AGPAT4: variants seen among roughly 807,000 people sequenced by gnomAD.
AGPAT4 encodes the protein 1-acylglycerol-3-phosphate O-acyltransferase 4.
Under a neutral mutation model 48.0 loss-of-function variants are expected in AGPAT4, and 15 were observed. The observed-to-expected ratio is 0.31, with a 90% CI of 0.21 to 0.48. The LOEUF (loss-of-function observed/expected upper bound fraction) is 0.48, where lower values mean the gene tolerates loss of function less well. Ranked by LOEUF, AGPAT4 falls within the 20% of genes least tolerant of loss-of-function variation. The pLI, the probability that AGPAT4 is intolerant of heterozygous loss-of-function variation, is 0.99. For missense variants in AGPAT4, 314 were observed against 482.5 expected, an observed-to-expected ratio of 0.65 and a Z score of 3.27; for synonymous variants, 178 against 198.7, an observed-to-expected ratio of 0.90 and a Z score of 0.88.
At position 161,204,577 on chromosome 6, in the gene AGPAT4, G is replaced by C. The variant is rs148746382; in HGVS notation, c.178+27459C>G. ...CAGCACTGGATTCTTATTATCTCAT[G>C]ATGAAGTTTAACTCTCCCAAATTTT... On this transcript the variant is annotated intron_variant, in intron 2 of 8. Transcript: ENST00000320285. This position sits in a 1 kb window ranked among gnomAD's most constrained non-coding sequence, Gnocchi z 4.4. Among the ~76,000 whole-genome samples, 2 of 152,146 alleles carry C rather than the reference G, an allele frequency of 1.3e-5. No individual in the cohort carries two copies. The highest frequency in any genetic ancestry group is 3.9e-4 in the East Asian group (2 of 5,182).
In AGPAT4 at chr6:161,139,467, C is replaced by G. The variant is rs748012441; in HGVS notation, c.997G>C (p.Gly333Arg). Residue 333 changes from glycine to arginine, a missense_variant, in exon 8 of 9, where the codon GGG (glycine) becomes CGG (arginine). Gly to Arg is a moderately radical substitution (Grantham distance 125). Coordinates refer to ENST00000320285, the MANE Select transcript of AGPAT4 (RefSeq NM_020133.3). The surrounding 1 kb of genome is among the most constrained non-coding windows in gnomAD (Gnocchi z 9.1). ...AAGCTGGCCAGCGTCAGGGAAGACC[C>G]GCTCCTGATCATGCTGACCAGGAAC... Reference protein sequence around the residue: ...FQFLVSMIRSGSSLTLASFIL... With the variant: ...FQFLVSMIRSRSSLTLASFIL... 6.2e-7 allele frequency: 1 copy of G among 1,614,080 alleles called. No homozygotes were observed. Among genetic ancestry groups the G allele is most frequent in the South Asian group, 1.1e-5 (1 of 91,072 alleles).
chr6:161,165,523 T>C lies in AGPAT4; in HGVS notation c.348+725A>G. On this transcript the variant is annotated intron_variant, in intron 3 of 8. Transcript: ENST00000320285. This position sits in a 1 kb window ranked among gnomAD's most constrained non-coding sequence, Gnocchi z 5.5. ...AGTTCTGGTGCAAACTCTTAGGACC[T>C]TTCCTAGCCCCAGACCAATGTACAC... The C allele has an allele frequency of 3.4e-6, 4 of 1,161,174 alleles. No homozygotes were observed. In the South Asian group the frequency reaches 6.1e-5, roughly 18 times the overall value. The allele number at this position is 1,161,174 out of a possible 1,614,324, so 71.9% of individuals were successfully genotyped here.
In AGPAT4 at chr6:161,214,139, G is replaced by A. The variant is rs569002625; in HGVS notation, c.178+17897C>T. On this transcript the variant is annotated intron_variant, in intron 2 of 8. Coordinates refer to ENST00000320285, the MANE Select transcript of AGPAT4 (RefSeq NM_020133.3). The surrounding 1 kb of genome is among the most constrained non-coding windows in gnomAD (Gnocchi z 5.4). Reference sequence around the variant, plus strand: ...GCTACCATTTGTCTCTCACCTACCTGTGACCTGGAAGCCCCTCTCCTTCGA... The same window carrying A: ...GCTACCATTTGTCTCTCACCTACCTATGACCTGGAAGCCCCTCTCCTTCGA... Among the ~76,000 whole-genome samples the A allele has an allele frequency of 1.5e-4, 23 of 152,304 alleles. No homozygotes were observed. The South Asian group carries it at 4.6e-3, about 30-fold the overall frequency.
At chr6:161,173,054 T>C (rs146600477) in intron 2 of AGPAT4, among the ~76,000 whole-genome samples, 7,838 of 152,282 alleles carry the variant, frequency 0.051, 313 homozygotes, top group Non-Finnish European at 0.07. Context: ...TGATGGACAT[T>C]TGGGTTGGTT....
At chr6:161,248,501 G>C (rs750346802) in intron 1 of AGPAT4, among the ~76,000 whole-genome samples, 3 of 150,518 alleles carry the variant, frequency 2.0e-5, no homozygotes, top group Non-Finnish European at 4.4e-5. Context: ...GTGAACCTGG[G>C]AGGTGGAGCT....
Position 161,270,824 on chromosome 6 carries a change from C to G in AGPAT4, c.-90+3114G>C, listed in dbSNP as rs551720864. The stretch of plus-strand genomic sequence containing the variant: ...GAATGCGGCTTTGTCCCATAACCAT[C>G]AGACCTCCTTTCCAGAATAAAGGAG... On this transcript the variant is annotated intron_variant, in intron 1 of 8. Transcript: ENST00000320285. This position sits in a 1 kb window ranked among gnomAD's most constrained non-coding sequence, Gnocchi z 5.3. 6.6e-6 allele frequency among the ~76,000 whole-genome samples: 1 copy of G among 152,226 alleles called. No homozygotes were observed. The highest frequency in any genetic ancestry group is 2.1e-4 in the South Asian group (1 of 4,822).
intron 1 of AGPAT4, among the ~76,000 whole-genome samples, chr6:161,273,569 A>G (rs571309196): frequency 6.6e-6 from 1 of 152,160 alleles, no homozygotes; most frequent in African/African-American, 2.4e-5. Flanking sequence ...CATTCCCCCC[A>G]CCACCACCCC....
intron 2 of AGPAT4, among the ~76,000 whole-genome samples, chr6:161,228,181 A>T (rs11756702): frequency 0.19 from 28,555 of 152,216 alleles, 2,916 homozygotes; most frequent in Non-Finnish European, 0.23. Flanking sequence ...ATTCTGCATT[A>T]TGAAGCAACC....
At position 161,164,793 on chromosome 6, in the gene AGPAT4, C is replaced by T. The variant is rs565519349; in HGVS notation, c.348+1455G>A. 1.3e-5 allele frequency among the ~76,000 whole-genome samples: 2 copies of T among 152,302 alleles called. No homozygotes were observed. Among genetic ancestry groups the T allele is most frequent in the South Asian group, 4.1e-4 (2 of 4,824 alleles). On this transcript the variant is annotated intron_variant, in intron 3 of 8. Coordinates refer to ENST00000320285, the MANE Select transcript of AGPAT4 (RefSeq NM_020133.3). The surrounding 1 kb of genome is among the most constrained non-coding windows in gnomAD (Gnocchi z 7.4). ...GAAGGCACCCCCAAGTTCAATGGGC[C>T]TTCTGCTCTACCTCAGAGACTCCTG... is the stretch of plus-strand genomic sequence containing the variant.
At position 161,208,561 on chromosome 6, in the gene AGPAT4, T is replaced by A. The variant is rs912740881; in HGVS notation, c.178+23475A>T. 2.0e-5 allele frequency among the ~76,000 whole-genome samples: 3 copies of A among 152,126 alleles called. No individual in the cohort carries two copies. Among genetic ancestry groups the A allele is most frequent in the Non-Finnish European group, 2.9e-5 (2 of 68,026 alleles). On this transcript the variant is annotated intron_variant, in intron 2 of 8. Coordinates refer to ENST00000320285, the MANE Select transcript of AGPAT4 (RefSeq NM_020133.3). The surrounding 1 kb of genome is among the most constrained non-coding windows in gnomAD (Gnocchi z 4.6). ...TAACCACTGTCTCCTTAGGTCAAATTTGAATTCACTTAAAACAACGATAGC... is the reference window on the plus strand; with the variant it reads ...TAACCACTGTCTCCTTAGGTCAAATATGAATTCACTTAAAACAACGATAGC...
chr6:161,170,900 G>C (rs1042285865), intron 2 of AGPAT4, among the ~76,000 whole-genome samples: 8 of 152,230 alleles, frequency 5.3e-5, no homozygotes, highest in African/African-American at 1.9e-4. Flanking sequence ...TCAGTTCACA[G>C]TGGCTGCAGA....
chr6:161,142,981 C>A lies in AGPAT4; in HGVS notation c.844-3361G>T, dbSNP rs901728304. Among the ~76,000 whole-genome samples the A allele has an allele frequency of 6.6e-6, 1 of 152,206 alleles. No individual in the cohort carries two copies. The highest frequency in any genetic ancestry group is 1.5e-5 in the Non-Finnish European group (1 of 68,028). ...GAGCAGGAGAGCACAGTGTTTCCCA[C>A]GGGCCACCATGCCTGCACCCTGAAC... On this transcript the variant is annotated intron_variant, in intron 7 of 8. Coordinates refer to ENST00000320285, the MANE Select transcript of AGPAT4 (RefSeq NM_020133.3). This position sits in a 1 kb window ranked among gnomAD's most constrained non-coding sequence, Gnocchi z 6.4.
chr6:161,167,660 C>A (rs1311279264), intron 2 of AGPAT4, among the ~76,000 whole-genome samples: 1 of 151,880 alleles, frequency 6.6e-6, no homozygotes, highest in South Asian at 2.1e-4. Context: ...GTAGCTCAAG[C>A]GGCTGTCCTT....
Position 161,140,723 on chromosome 6 carries a change from T to G in AGPAT4, c.844-1103A>C, listed in dbSNP as rs574564758. Among the ~76,000 whole-genome samples, 21 of 152,314 alleles carry G rather than the reference T, an allele frequency of 1.4e-4. No individual in the cohort carries two copies. Among genetic ancestry groups the G allele is most frequent in the African/African-American group, 5.0e-4 (21 of 41,586 alleles). On this transcript the variant is annotated intron_variant, in intron 7 of 8. Coordinates refer to ENST00000320285, the MANE Select transcript of AGPAT4 (RefSeq NM_020133.3). This position sits in a 1 kb window ranked among gnomAD's most constrained non-coding sequence, Gnocchi z 6.5. ...GCCCGCTGGCCCGTCTAAGGGCAGG[T>G]CCTGGCCGTGAGGAGGGGCCAGGGC...
rs1367151916 is a variant in AGPAT4, at chr6:161,137,378, A to G, written c.1043-744T>C. On this transcript the variant is annotated intron_variant, in intron 8 of 8. Transcript: ENST00000320285. The surrounding 1 kb of genome is among the most constrained non-coding windows in gnomAD (Gnocchi z 6.1). ...ATAATACATGCTTAAGAATGGATAG[A>G]CGAATAAGTGAATGAAATCCCCCAA... 6.6e-6 allele frequency among the ~76,000 whole-genome samples: 1 copy of G among 152,230 alleles called. No individual in the cohort carries two copies. Among genetic ancestry groups the G allele is most frequent in the Admixed American group, 6.5e-5 (1 of 15,288 alleles).
rs2115043130 is a variant in AGPAT4, at chr6:161,240,355, G to A, written c.-89-8053C>T. The stretch of plus-strand genomic sequence containing the variant: ...ATCCTTAGGAAGAAACTGACAAGGT[G>A]CACTCCAAGATCCCTTCCAAGTCAA... On this transcript the variant is annotated intron_variant, in intron 1 of 8. Transcript: ENST00000320285. The surrounding 1 kb of genome is among the most constrained non-coding windows in gnomAD (Gnocchi z 5.5). Among the ~76,000 whole-genome samples the A allele has an allele frequency of 1.3e-5, 2 of 152,154 alleles. No individual in the cohort carries two copies. Among genetic ancestry groups the A allele is most frequent in the Admixed American group, 1.3e-4 (2 of 15,268 alleles).
rs56741331 is a variant in AGPAT4 at position 161,196,816 on chromosome 6, CAAAAA to C, written c.179-30404_179-30400del. Among the ~76,000 whole-genome samples the C allele has an allele frequency of 1.9e-5, 2 of 105,158 alleles. No homozygotes were observed. The highest frequency in any genetic ancestry group is 3.4e-5 in the African/African-American group (1 of 29,222). 69.0% of individuals were successfully genotyped at this position (105,158 alleles called of 152,430 possible). On this transcript the variant is annotated intron_variant, in intron 2 of 8. Transcript: ENST00000320285. The surrounding 1 kb of genome is among the most constrained non-coding windows in gnomAD (Gnocchi z 4.3). The stretch of plus-strand genomic sequence containing the variant: ...AGAGAAAGACTCTATCTCCCCCCGC[CAAAAA>C]AAAAAAAAAAATGCCAAGGAGAGGA...
At position 161,158,454 on chromosome 6, in the gene AGPAT4, T is replaced by C. The variant is rs1779823380; in HGVS notation, c.349-4144A>G. On this transcript the variant is annotated intron_variant, in intron 3 of 8. Coordinates refer to ENST00000320285, the MANE Select transcript of AGPAT4 (RefSeq NM_020133.3). This position sits in a 1 kb window ranked among gnomAD's most constrained non-coding sequence, Gnocchi z 5.3. ...TAGATACAAGCATATTTAGACAATCTAAAATTTTCACGTGGAGTAAACCAC... is the reference window on the plus strand; with the variant it reads ...TAGATACAAGCATATTTAGACAATCCAAAATTTTCACGTGGAGTAAACCAC... Among the ~76,000 whole-genome samples, 1 of 152,230 alleles carries C rather than the reference T, an allele frequency of 6.6e-6. No individual in the cohort carries two copies. The highest frequency in any genetic ancestry group is 1.5e-5 in the Non-Finnish European group (1 of 68,038).
At chr6:161,170,337 C>T (rs536661437) in intron 2 of AGPAT4, among the ~76,000 whole-genome samples, 1 of 152,268 alleles carries the variant, frequency 6.6e-6, no homozygotes, top group Admixed American at 6.5e-5. Flanking sequence ...TGAACCCTGA[C>T]CGAGAGACAC....
Sources: allele counts gnomAD v4.1 joint callset (sites outside exome capture counted in the v4.1 genomes callset), GRCh38; gene constraint gnomAD v4.1.1; non-coding constraint Gnocchi (gnomAD v3.1); transcripts MANE v1.5; gene names NCBI Gene and HGNC (gene_info 2026-07-23, HGNC 2026-07-21).